The following PHTF2 variants were observed in gnomAD, a reference collection of about 807,000 sequenced individuals.
PHTF2 encodes the protein protein PHTF2.
A neutral mutation model predicts 101.2 loss-of-function variants in PHTF2; 60 were observed. That is an observed-to-expected ratio of 0.59 (90% CI 0.48 to 0.73). PHTF2 has a LOEUF of 0.73. Among genes scored for constraint, PHTF2 ranks in the 30% least tolerant of loss-of-function variants. The pLI is 0.00. For synonymous variants in PHTF2, 311 were observed against 307.3 expected (o/e 1.01, Z -0.13); for missense variants, 747 against 908.7 (o/e 0.82, Z 2.29).
intron 2 of PHTF2, among the ~76,000 whole-genome samples, chr7:77,842,518 G>A (rs1435857946): frequency 3.3e-5 from 5 of 152,000 alleles, no homozygotes; most frequent in Non-Finnish European, 1.5e-5. Flanking sequence ...AGAAATACAT[G>A]TGATACTTTG....
chr7:77,935,362 A>T (rs1349757769), intron 12 of PHTF2, among the ~76,000 whole-genome samples: 4 of 151,922 alleles, frequency 2.6e-5, no homozygotes, highest in African/African-American at 9.7e-5. Flanking sequence ...ACCTGGGACT[A>T]CAGGCACCAG....
intron 3 of PHTF2, among the ~76,000 whole-genome samples, chr7:77,870,473 T>C (rs538601110): frequency 5.5e-4 from 83 of 152,280 alleles, no homozygotes; most frequent in Non-Finnish European, 9.4e-4. Context: ...GAGAAAGATA[T>C]AGGCTGGGAG....
At chr7:77,850,220 G>A (rs1298520925) in intron 2 of PHTF2, among the ~76,000 whole-genome samples, 2 of 150,392 alleles carry the variant, frequency 1.3e-5, no homozygotes, top group African/African-American at 4.9e-5. Context: ...AAATCCAGGT[G>A]TGGTGGCATG....
chr7:77,928,331 T>C (rs1159661928), intron 11 of PHTF2, among the ~76,000 whole-genome samples: 1 of 152,222 alleles, frequency 6.6e-6, no homozygotes, highest in Non-Finnish European at 1.5e-5. Flanking sequence ...GTAAACTGAT[T>C]AGAAATTACT....
chr7:77,806,192 G>A (rs1219403289), intron 1 of PHTF2, among the ~76,000 whole-genome samples: 1 of 150,662 alleles, frequency 6.6e-6, no homozygotes, highest in African/African-American at 2.4e-5. Flanking sequence ...AAGTCAAGTT[G>A]GTTGATAGAA....
chr7:77,802,857 T>C (rs1195104301), intron 1 of PHTF2, among the ~76,000 whole-genome samples: 1 of 152,214 alleles, frequency 6.6e-6, no homozygotes, highest in Non-Finnish European at 1.5e-5. Flanking sequence ...GGACTGCCCT[T>C]GAAAATCTGA....
chr7:77,923,123 A>G, intron 11 of PHTF2: 1 of 999,190 alleles, frequency 1.0e-6, no homozygotes, highest in Non-Finnish European at 1.2e-6. Flanking sequence ...TGATCATAGC[A>G]AAGTTATTTT....
At chr7:77,903,650 T>G (rs559271026) in intron 7 of PHTF2, among the ~76,000 whole-genome samples, 1 of 152,200 alleles carries the variant, frequency 6.6e-6, no homozygotes, top group Non-Finnish European at 1.5e-5. Context: ...AAGGCCCTTA[T>G]GATGAACACT....
At chr7:77,850,612 A>C (rs1224848291) in intron 2 of PHTF2, among the ~76,000 whole-genome samples, 1 of 150,142 alleles carries the variant, frequency 6.7e-6, no homozygotes, top group African/African-American at 2.5e-5. Flanking sequence ...ACTGCACACC[A>C]ACCTAGTTCA....
At chr7:77,813,529 C>T (rs1793610563) in intron 1 of PHTF2, among the ~76,000 whole-genome samples, 1 of 152,098 alleles carries the variant, frequency 6.6e-6, no homozygotes, top group East Asian at 1.9e-4. Flanking sequence ...CAGTGTTTTG[C>T]ACTGTGAAAG....
intron 1 of PHTF2, among the ~76,000 whole-genome samples, chr7:77,824,124 G>C (rs907386419): frequency 1.3e-5 from 2 of 152,122 alleles, no homozygotes; most frequent in African/African-American, 4.8e-5. Context: ...AGTGGTTTCT[G>C]TGTGCCAGGT....
intron 3 of PHTF2, among the ~76,000 whole-genome samples, chr7:77,876,826 G>A (rs759779577): frequency 3.9e-5 from 6 of 152,198 alleles, no homozygotes; most frequent in Non-Finnish European, 7.4e-5. Context: ...GGATCACTGT[G>A]ATTGCACCAC....
intron 11 of PHTF2, among the ~76,000 whole-genome samples, chr7:77,928,483 G>A (rs958872379): frequency 6.7e-6 from 1 of 149,120 alleles, no homozygotes; most frequent in African/African-American, 2.5e-5. Flanking sequence ...ATCCACTCTT[G>A]CTTAAAAAAA....
intron 16 of PHTF2, among the ~76,000 whole-genome samples, chr7:77,946,810 A>G (rs1165991374): frequency 6.6e-6 from 1 of 152,228 alleles, no homozygotes; most frequent in Non-Finnish European, 1.5e-5. Flanking sequence ...TGTTATATAC[A>G]GAAATAGATA....
At chr7:77,869,088 G>A (rs1421125582) in intron 3 of PHTF2, among the ~76,000 whole-genome samples, 1 of 152,076 alleles carries the variant, frequency 6.6e-6, no homozygotes, top group East Asian at 1.9e-4. Context: ...GTTCTCTTTT[G>A]ACTTTGAGCA....
chr7:77,932,617 AGAGAGTGTGTGTGTGT>A (rs1338582855), intron 12 of PHTF2, among the ~76,000 whole-genome samples: 2 of 124,876 alleles, frequency 1.6e-5, no homozygotes, highest in African/African-American at 3.1e-5. Flanking sequence ...AGAGAGAGAG[AGAGAGTGTGTGTGTGT>A]GTGTGTGTGT....
chr7:77,896,997 C>A (rs1208931901), intron 5 of PHTF2, among the ~76,000 whole-genome samples: 2 of 152,068 alleles, frequency 1.3e-5, no homozygotes, highest in African/African-American at 4.8e-5. Flanking sequence ...TTTTCCATAA[C>A]CATTTTAGAA....
At chr7:77,920,692 C>CT (rs1235632792) in intron 10 of PHTF2, among the ~76,000 whole-genome samples, 2 of 151,878 alleles carry the variant, frequency 1.3e-5, no homozygotes, top group African/African-American at 2.4e-5. Context: ...TTCCAAAATG[C>CT]TTTTTTTGAG....
chr7:77,841,900 C>G (rs1380816748), intron 2 of PHTF2, among the ~76,000 whole-genome samples: 1 of 152,172 alleles, frequency 6.6e-6, no homozygotes, highest in Non-Finnish European at 1.5e-5. Flanking sequence ...TTCCTAATTT[C>G]TATCTACGGG....
Sources: allele counts gnomAD v4.1 joint callset (sites outside exome capture counted in the v4.1 genomes callset), GRCh38; gene constraint gnomAD v4.1.1; transcripts MANE v1.5; gene names NCBI Gene and HGNC (gene_info 2026-07-23, HGNC 2026-07-21).